Variants in SHMT1 observed in about 807,000 individuals in gnomAD.
SHMT1 encodes serine hydroxymethyltransferase 1.
SHMT1 carries 45 observed loss-of-function variants against 49.0 expected under a neutral mutation model. The ratio of observed to expected loss-of-function variants is 0.92; its 90% CI spans 0.72 to 1.18. The LOEUF (loss-of-function observed/expected upper bound fraction) is 1.18, where lower values mean the gene tolerates loss of function less well. SHMT1 is among the 50% of genes most tolerant of loss of function. The probability of loss-of-function intolerance (pLI) is 0.00; values close to 1 mark genes in which losing one functional copy is unlikely to be tolerated. For missense variants in SHMT1, 541 were observed against 612.4 expected, an observed-to-expected ratio of 0.88 and a Z score of 1.23; for synonymous variants, 232 against 246.6, an observed-to-expected ratio of 0.94 and a Z score of 0.55.
rs1433543293 is a variant in SHMT1 at position 18,353,828 on chromosome 17, GAA to G, written c.97-13_97-12del. On this transcript the variant is annotated splice_polypyrimidine_tract_variant and intron_variant, in intron 2 of 11. Coordinates refer to ENST00000316694, the MANE Select transcript of SHMT1 (RefSeq NM_004169.5). ...AATGATGTTGTAAACCTTATGAGAA[GAA>G]AACAGATGCTTGATATTTGGAAATT... The G allele has an allele frequency of 4.3e-6, 7 of 1,613,504 alleles. No individual in the cohort carries two copies. The East Asian group carries it at 1.6e-4, about 36-fold the overall frequency.
intron 3 of SHMT1, among the ~76,000 whole-genome samples, chr17:18,349,715 A>G (rs4925179): frequency 5.2e-4 from 79 of 151,894 alleles, no homozygotes; most frequent in Admixed American, 3.3e-3. Flanking sequence ...TGAGACCCTA[A>G]CTCTAAAAAA....
intron 5 of SHMT1, among the ~76,000 whole-genome samples, chr17:18,344,173 AGTT>A (rs1387160471): frequency 6.6e-6 from 1 of 152,168 alleles, no homozygotes; most frequent in Non-Finnish European, 1.5e-5. Context: ...AAAAAAAGGC[AGTT>A]ATAATCCAAC....
chr17:18,338,030 C>CTGCCCTGTCCGGCAGG, intron 7 of SHMT1, among the ~76,000 whole-genome samples: 1 of 151,464 alleles, frequency 6.6e-6, no homozygotes, highest in African/African-American at 2.4e-5. Context: ...TGCCTGGCCG[C>CTGCCCTGTCCGGCAGG]TCATCATCTG....
intron 1 of SHMT1, among the ~76,000 whole-genome samples, chr17:18,360,257 C>A (rs8067462): frequency 0.4 from 60,015 of 150,804 alleles, 12,081 homozygotes; most frequent in African/African-American, 0.44. Flanking sequence ...ACAAAAAAAA[C>A]CAAAAAGAAA....
At chr17:18,351,209 C>T (rs1041585669) in intron 3 of SHMT1, among the ~76,000 whole-genome samples, 4 of 151,776 alleles carry the variant, frequency 2.6e-5, no homozygotes, top group African/African-American at 7.3e-5. Context: ...GGCGCGATCT[C>T]GGCTCACTGC....
In SHMT1 at chr17:18,347,616, T is replaced by A; in HGVS notation, c.399A>T (p.Glu133Asp). Residue 133 changes from glutamate (E) to aspartate (D), a missense_variant, in exon 5 of 12, where the codon GAA (glutamate) becomes GAT (aspartate). Coordinates refer to ENST00000316694, the MANE Select transcript of SHMT1 (RefSeq NM_004169.5). ...ANFAVYTALV[E>D]PHGRIMGLDL... The stretch of plus-strand genomic sequence containing the variant: ...CCAGGCCCATGATGCGCCCATGGGG[T>A]TCCACCAGGGCAGTGTACACAGCAA... 1 of 1,614,134 alleles carries A rather than the reference T, an allele frequency of 6.2e-7. No homozygotes were observed. Among genetic ancestry groups the A allele is most frequent in the African/African-American group, 1.3e-5 (1 of 75,032 alleles).
intron 8 of SHMT1, 35 bp from the exon 9 acceptor site, chr17:18,333,323 G>A (rs1185426556): frequency 4.4e-6 from 7 of 1,608,128 alleles, no homozygotes; most frequent in Non-Finnish European, 5.9e-6. Flanking sequence ...AGGAGGCTAG[G>A]ATAGAATCAT....
chr17:18,348,627 A>G (rs1363017034), intron 3 of SHMT1, 187 bp from the exon 4 acceptor site: 1 of 709,972 alleles, frequency 1.4e-6, no homozygotes, highest in Non-Finnish European at 2.6e-6. Flanking sequence ...TGGAATCTAC[A>G]GTCAAGAGAC....
chr17:18,338,452 G>A (rs1355574114), intron 7 of SHMT1, among the ~76,000 whole-genome samples: 2 of 147,344 alleles, frequency 1.4e-5, no homozygotes, highest in African/African-American at 2.5e-5. Context: ...GTGGGGGGGC[G>A]CCTCTGCCCG....
At chr17:18,356,077 G>T in intron 1 of SHMT1, 77 bp from the exon 2 acceptor site, 1 of 727,824 alleles carries the variant, frequency 1.4e-6, no homozygotes, top group Non-Finnish European at 2.2e-6. Context: ...TTATTTTTGA[G>T]ATGTAGTCTT....
intron 7 of SHMT1, among the ~76,000 whole-genome samples, chr17:18,338,370 C>T (rs1280703404): frequency 6.6e-6 from 1 of 151,892 alleles, no homozygotes; most frequent in South Asian, 2.1e-4. Context: ...GGGCAGCCCC[C>T]GCCCAGCCAG....
chr17:18,335,398 T>G (rs979858672), intron 8 of SHMT1, among the ~76,000 whole-genome samples, 161 bp downstream of exon 8: 8 of 152,226 alleles, frequency 5.3e-5, no homozygotes, highest in Non-Finnish European at 8.8e-5. Context: ...GTCCCTACCT[T>G]AGGCCAGTCT....
At chr17:18,344,577 G>GAAA (rs10655994) in intron 5 of SHMT1, among the ~76,000 whole-genome samples, 17,183 of 64,860 alleles carry the variant, frequency 0.26, 2,431 homozygotes, top group Middle Eastern at 0.33. Context: ...ACAATTACCG[G>GAAA]AAAAAAAAAA....
At chr17:18,357,096 C>G (rs1986306650) in intron 1 of SHMT1, among the ~76,000 whole-genome samples, 1 of 151,838 alleles carries the variant, frequency 6.6e-6, no homozygotes, top group South Asian at 2.1e-4. Flanking sequence ...CCTGGCCAAC[C>G]TGGTGAAACC....
At chr17:18,333,138 G>T (rs199912373) in intron 9 of SHMT1, 28 bp downstream of exon 9, 1 of 1,613,374 alleles carries the variant, frequency 6.2e-7, no homozygotes, top group South Asian at 1.1e-5. Flanking sequence ...ACAAGAACAG[G>T]CCTGCTGAAC....
intron 5 of SHMT1, among the ~76,000 whole-genome samples, chr17:18,344,753 A>G (rs1984907401): frequency 6.6e-6 from 1 of 152,126 alleles, no homozygotes; most frequent in South Asian, 2.1e-4. Flanking sequence ...TGCACAGAGG[A>G]TAAGGAAGGA....
At chr17:18,330,802 G>T (rs1294671660) in intron 9 of SHMT1, 131 bp from the exon 10 acceptor site, 3 of 712,862 alleles carry the variant, frequency 4.2e-6, no homozygotes, top group African/African-American at 1.7e-5. Flanking sequence ...CCACCACATG[G>T]CCTGGGATTC....
At chr17:18,347,826 G>T (rs1399197782) in intron 4 of SHMT1, among the ~76,000 whole-genome samples, 170 bp from the exon 5 acceptor site, 1 of 152,084 alleles carries the variant, frequency 6.6e-6, no homozygotes, top group East Asian at 1.9e-4. Context: ...GTGAAGTTCA[G>T]AGAGAGGGCA....
Position 18,328,839 on chromosome 17 carries a change from C to A in SHMT1, c.1363G>T (p.Asp455Tyr), listed in dbSNP as rs546838005. ...LKEFKERLAG[D>Y]KYQAAVQALR... Reference sequence around the variant, plus strand: ...GCCTGCACGGCCGCCTGGTACTTATCCCCTGCCAGTCTCTCCTTGAACTCT... The same window carrying A: ...GCCTGCACGGCCGCCTGGTACTTATACCCTGCCAGTCTCTCCTTGAACTCT... The change falls in exon 12 of 12, where the codon GAT becomes TAT. Residue 455 changes from aspartate to tyrosine, a missense_variant. Asp to Tyr is a radical substitution (Grantham distance 160). Coordinates refer to ENST00000316694, the MANE Select transcript of SHMT1 (RefSeq NM_004169.5). 97 of 1,613,680 alleles carry A rather than the reference C, an allele frequency of 6.0e-5. No individual in the cohort carries two copies. The East Asian group carries it at 2.0e-3, about 33-fold the overall frequency.
Sources: gnomAD v4.1 joint callset for allele counts (sites outside exome capture counted in the v4.1 genomes callset) on GRCh38, gnomAD v4.1.1 for gene constraint, MANE v1.5 for transcripts, NCBI Gene and HGNC (gene_info 2026-07-23, HGNC 2026-07-21) for gene names.